The following MKLN1 variants were observed in gnomAD, a reference collection of about 807,000 sequenced individuals.
MKLN1 encodes muskelin.
Under a neutral mutation model 99.0 loss-of-function variants are expected in MKLN1, and 18 were observed. That is an observed-to-expected ratio of 0.18 (90% confidence interval 0.13 to 0.27). MKLN1 has a LOEUF of 0.27. Ranked by LOEUF, MKLN1 falls within the 10% of genes least tolerant of loss-of-function variation. The pLI, the probability that MKLN1 is intolerant of heterozygous loss-of-function variation, is 1.00. For synonymous variants in MKLN1, 288 were observed against 293.2 expected (o/e 0.98, Z 0.18); for missense variants, 621 against 875.9 (o/e 0.71, Z 3.67).
chr7:131,323,161 T>A (rs2116667183), upstream of MKLN1, among the ~76,000 whole-genome samples: 1 of 152,284 alleles, frequency 6.6e-6, no homozygotes, highest in East Asian at 1.9e-4. Context: ...GCTCTAAATT[T>A]AAATTCATTT....
intron 2 of MKLN1, among the ~76,000 whole-genome samples, chr7:131,165,628 T>C (rs1796112449): frequency 6.6e-6 from 1 of 152,214 alleles, no homozygotes; most frequent in South Asian, 2.1e-4. Context: ...GAGATAAGTT[T>C]TGAGCACTAG....
intron 2 of MKLN1, among the ~76,000 whole-genome samples, chr7:131,156,033 G>A (rs765347204): frequency 1.3e-4 from 20 of 152,142 alleles, no homozygotes; most frequent in Non-Finnish European, 1.2e-4. Flanking sequence ...TGTTATTTGG[G>A]AAGCTAGAAA....
chr7:131,338,855 G>A (rs1296829913), intron 1 of MKLN1, among the ~76,000 whole-genome samples: 1 of 152,158 alleles, frequency 6.6e-6, no homozygotes, highest in East Asian at 1.9e-4. Flanking sequence ...ACTTACACGT[G>A]ATTTTCTTCT....
chr7:131,265,757 A>G (rs893758071), intron 3 of MKLN1, among the ~76,000 whole-genome samples: 2 of 152,192 alleles, frequency 1.3e-5, no homozygotes, highest in African/African-American at 2.4e-5. Flanking sequence ...AAGATATTGT[A>G]TATTTACCCT....
chr7:131,403,821 A>C (rs1329508005), intron 6 of MKLN1, among the ~76,000 whole-genome samples: 1 of 152,200 alleles, frequency 6.6e-6, no homozygotes, highest in East Asian at 1.9e-4. Flanking sequence ...TCACTGTAAC[A>C]GATATGACAG....
At chr7:131,288,539 G>A (rs923449406) in intron 3 of MKLN1, among the ~76,000 whole-genome samples, 3 of 151,650 alleles carry the variant, frequency 2.0e-5, no homozygotes, top group Non-Finnish European at 4.4e-5. Context: ...TTTTCAGAAC[G>A]GAGAGATATA....
intron 3 of MKLN1, among the ~76,000 whole-genome samples, chr7:131,224,727 A>G (rs890696386): frequency 6.6e-6 from 1 of 151,866 alleles, no homozygotes; most frequent in East Asian, 1.9e-4. Flanking sequence ...TGTCTCAAAA[A>G]AAAACCCTCA....
At chr7:131,468,398 T>C (rs1796718026) in intron 15 of MKLN1, among the ~76,000 whole-genome samples, 1 of 152,222 alleles carries the variant, frequency 6.6e-6, no homozygotes, top group South Asian at 2.1e-4. Flanking sequence ...TTAATTCAAA[T>C]GTTAAGCAGA....
At chr7:131,442,584 T>TA (rs1412880319) in intron 10 of MKLN1, among the ~76,000 whole-genome samples, 1 of 152,140 alleles carries the variant, frequency 6.6e-6, no homozygotes, top group East Asian at 1.9e-4. Flanking sequence ...GCCTTTTGTT[T>TA]AAAAAAATAC....
At chr7:131,362,179 G>A (rs1800050171) in intron 1 of MKLN1, among the ~76,000 whole-genome samples, 2 of 151,840 alleles carry the variant, frequency 1.3e-5, no homozygotes, top group South Asian at 2.1e-4. Flanking sequence ...GTTGCTTAAC[G>A]ACTGGGATGT....
chr7:131,431,800 A>G (rs1795529385), intron 9 of MKLN1, among the ~76,000 whole-genome samples: 1 of 152,202 alleles, frequency 6.6e-6, no homozygotes, highest in Non-Finnish European at 1.5e-5. Flanking sequence ...CTACTCAATT[A>G]CTTTTCCAGC....
chr7:131,253,182 A>G (rs1270524509), intron 3 of MKLN1, among the ~76,000 whole-genome samples: 3 of 152,234 alleles, frequency 2.0e-5, no homozygotes, highest in African/African-American at 7.2e-5. Flanking sequence ...TGGTAAGAAC[A>G]GTTGGGAGTC....
chr7:131,411,198 CAT>C, intron 6 of MKLN1, 106 bp from the exon 7 acceptor site: 1 of 600,642 alleles, frequency 1.7e-6, no homozygotes, highest in South Asian at 2.5e-5. Flanking sequence ...GTATTAGTGA[CAT>C]ATTAGTAATT....
chr7:131,426,350 T>C (rs3800680), intron 8 of MKLN1, among the ~76,000 whole-genome samples: 22,340 of 152,234 alleles, frequency 0.15, 2,127 homozygotes, highest in Admixed American at 0.29. Flanking sequence ...ATTTTAGTTA[T>C]ATACCCCCTC....
intron 4 of MKLN1, among the ~76,000 whole-genome samples, chr7:131,395,151 C>T (rs981742260): frequency 2.0e-5 from 3 of 152,010 alleles, no homozygotes; most frequent in African/African-American, 4.8e-5. Context: ...CAGCAAATAT[C>T]GTTAAGTATT....
intron 3 of MKLN1, among the ~76,000 whole-genome samples, chr7:131,248,053 C>A (rs1208440958): frequency 6.7e-6 from 1 of 148,544 alleles, no homozygotes; most frequent in Non-Finnish European, 1.5e-5. Flanking sequence ...CATGTGCCAC[C>A]ACACTCAGCT....
intron 9 of MKLN1, among the ~76,000 whole-genome samples, chr7:131,437,212 T>C (rs918038571): frequency 6.6e-6 from 1 of 152,240 alleles, no homozygotes; most frequent in African/African-American, 2.4e-5. Flanking sequence ...CTCCTAATGC[T>C]ATCCCTCCCC....
At chr7:131,235,082 T>C (rs1797299314) in intron 3 of MKLN1, among the ~76,000 whole-genome samples, 1 of 150,948 alleles carries the variant, frequency 6.6e-6, no homozygotes, top group African/African-American at 2.4e-5. Context: ...CACATATATA[T>C]TTTTTTTATT....
At chr7:131,335,995 T>C (rs1420558974) in intron 1 of MKLN1, among the ~76,000 whole-genome samples, 1 of 151,976 alleles carries the variant, frequency 6.6e-6, no homozygotes, top group African/African-American at 2.4e-5. Flanking sequence ...ATTTTTTTTT[T>C]TTTGCCTTTT....
Sources: gnomAD v4.1 joint callset for allele counts (sites outside exome capture counted in the v4.1 genomes callset) on GRCh38, gnomAD v4.1.1 for gene constraint, MANE v1.5 for transcripts, NCBI Gene and HGNC (gene_info 2026-07-23, HGNC 2026-07-21) for gene names.